The following SLC8A1 variants were observed in gnomAD, a reference collection of about 807,000 sequenced individuals.
The protein encoded by SLC8A1 is sodium/calcium exchanger 1.
SLC8A1 carries 18 observed loss-of-function variants against 68.3 expected under a neutral mutation model. The observed-to-expected ratio is 0.26, with a 90% CI of 0.18 to 0.39. The LOEUF is 0.39. Among genes scored for constraint, SLC8A1 ranks in the 10% least tolerant of loss-of-function variants. The pLI is 1.00. For synonymous variants in SLC8A1, 475 were observed against 415.5 expected (o/e 1.14, Z -1.74); for missense variants, 985 against 1,156.7 (o/e 0.85, Z 2.15).
chr2:40,360,150 T>C (rs562109831), intron 2 of SLC8A1, among the ~76,000 whole-genome samples: 135 of 152,256 alleles, frequency 8.9e-4, no homozygotes, highest in African/African-American at 3.1e-3. Flanking sequence ...TCAAAATTGA[T>C]TGAAGTTCCA....
chr2:40,394,119 AAAG>A (rs1199953901), intron 2 of SLC8A1, among the ~76,000 whole-genome samples: 2 of 152,088 alleles, frequency 1.3e-5, no homozygotes, highest in Non-Finnish European at 2.9e-5. Flanking sequence ...AGCCCCCCAC[AAAG>A]AAGAATGACC....
intron 7 of SLC8A1, among the ~76,000 whole-genome samples, chr2:40,130,917 A>G (rs2039192197): frequency 6.6e-6 from 1 of 152,230 alleles, no homozygotes; most frequent in Non-Finnish European, 1.5e-5. Context: ...ACCATAGGGA[A>G]AAATGAAGAT....
At chr2:40,485,372 G>A (rs1704896179) in intron 1 of SLC8A1, among the ~76,000 whole-genome samples, 1 of 152,040 alleles carries the variant, frequency 6.6e-6, no homozygotes, top group African/African-American at 2.4e-5. Context: ...AAAGAATAGT[G>A]GGCATTTAAA....
At chr2:40,198,108 G>T (rs539838519) in intron 2 of SLC8A1, among the ~76,000 whole-genome samples, 1 of 152,030 alleles carries the variant, frequency 6.6e-6, no homozygotes, top group Non-Finnish European at 1.5e-5. Context: ...GCCAACTCTG[G>T]TCAGTTGAAA....
chr2:40,117,027 G>T (rs2035591447), intron 7 of SLC8A1: 1 of 152,170 alleles, frequency 6.6e-6, no homozygotes, highest in African/African-American at 2.4e-5. Context: ...TCACTTCAGA[G>T]TGCTGTTGGT....
intron 2 of SLC8A1, among the ~76,000 whole-genome samples, chr2:40,392,572 A>G (rs1462495018): frequency 6.6e-6 from 1 of 152,110 alleles, no homozygotes; most frequent in Non-Finnish European, 1.5e-5. Context: ...TGTCATGGGT[A>G]AGTGCTAATT....
chr2:40,317,826 A>C (rs1447810842), intron 2 of SLC8A1, among the ~76,000 whole-genome samples: 1 of 152,038 alleles, frequency 6.6e-6, no homozygotes, highest in Non-Finnish European at 1.5e-5. Context: ...TTATGTCCCC[A>C]ATTTTTGAAA....
At chr2:40,450,847 T>C (rs1031464938) in intron 1 of SLC8A1, among the ~76,000 whole-genome samples, 3 of 152,222 alleles carry the variant, frequency 2.0e-5, no homozygotes, top group Non-Finnish European at 4.4e-5. Context: ...TGCTCTCTTC[T>C]AAAAATGCTT....
At chr2:40,448,218 T>G (rs1482615331) in intron 1 of SLC8A1, among the ~76,000 whole-genome samples, 1 of 152,132 alleles carries the variant, frequency 6.6e-6, no homozygotes, top group Non-Finnish European at 1.5e-5. Context: ...TAAAACGTAT[T>G]TTGTAATGTA....
At chr2:40,365,500 C>T (rs1199713573) in intron 2 of SLC8A1, among the ~76,000 whole-genome samples, 1 of 152,136 alleles carries the variant, frequency 6.6e-6, no homozygotes, top group East Asian at 1.9e-4. Flanking sequence ...ACCTTCTGTA[C>T]TCTTAGAAGT....
intron 2 of SLC8A1, among the ~76,000 whole-genome samples, chr2:40,261,734 T>C (rs2149096192): frequency 3.1e-4 from 2 of 6,414 alleles, no homozygotes; most frequent in East Asian, 8.9e-3. Context: ...GAGTGGGTAC[T>C]GCGTAAGTGC....
At chr2:40,326,459 T>C (rs1032943903) in intron 2 of SLC8A1, among the ~76,000 whole-genome samples, 1 of 150,016 alleles carries the variant, frequency 6.7e-6, no homozygotes, top group Non-Finnish European at 1.5e-5. Flanking sequence ...AAAAAAAAAA[T>C]GGTGAAGAAA....
chr2:40,452,114 G>T (rs1210404486), upstream of SLC8A1: 1 of 146,582 alleles, frequency 6.8e-6, no homozygotes, highest in South Asian at 2.0e-4. Context: ...GCGCGCGGGC[G>T]GGAGGCAGGC....
chr2:40,496,038 C>T lies in SLC8A1; in HGVS notation c.-25+16311G>A, dbSNP rs542309296. 5.9e-5 allele frequency among the ~76,000 whole-genome samples: 9 copies of T among 152,068 alleles called. No individual in the cohort carries two copies. In the East Asian group the frequency reaches 1.7e-3, roughly 29 times the overall value. On this transcript the variant is annotated intron_variant, in intron 1 of 7. Transcript: ENST00000402441. ...ATTCAGGGGCTCCATTTGAAGTGTTCTTTGGAAAACTCTTTCAGCAGTTAT... is the reference window on the plus strand; with the variant it reads ...ATTCAGGGGCTCCATTTGAAGTGTTTTTTGGAAAACTCTTTCAGCAGTTAT...
rs142705623 is a variant in SLC8A1 at position 40,503,670 on chromosome 2, A to C, written c.-25+8679T>G. Among the ~76,000 whole-genome samples, 623 of 152,180 alleles carry C rather than the reference A, an allele frequency of 4.1e-3. 6 individuals are homozygous for C. The highest frequency in any genetic ancestry group is 0.014 in the African/African-American group (573 of 41,548). ...ATTTCCATATGCCAACAGTGAAACA[A>C]TATAAAAAAGAAATAAAAAGTAATC... On this transcript the variant is annotated intron_variant, in intron 1 of 7. Coordinates refer to the SLC8A1 transcript ENST00000402441.
intron 5 of SLC8A1, among the ~76,000 whole-genome samples, chr2:40,163,944 T>G (rs1432590778): frequency 6.6e-6 from 1 of 152,228 alleles, no homozygotes. Context: ...AAATTGGTGG[T>G]CTGATTCTCT....
intron 2 of SLC8A1, among the ~76,000 whole-genome samples, chr2:40,275,126 C>A (rs2066532802): frequency 6.6e-6 from 1 of 152,162 alleles, no homozygotes; most frequent in African/African-American, 2.4e-5. Flanking sequence ...ATTGTATGCT[C>A]ACATTTTATA....
intron 2 of SLC8A1, among the ~76,000 whole-genome samples, chr2:40,253,331 T>C (rs976755454): frequency 2.0e-5 from 3 of 151,390 alleles, no homozygotes; most frequent in Non-Finnish European, 2.9e-5. Flanking sequence ...CACATATATG[T>C]GTATATATAT....
At chr2:40,198,341 C>T (rs1054400133) in intron 2 of SLC8A1, among the ~76,000 whole-genome samples, 3 of 151,878 alleles carry the variant, frequency 2.0e-5, no homozygotes, top group African/African-American at 4.8e-5. Context: ...TGGAATGCTA[C>T]TAACCAGAGT....
Sources: gnomAD v4.1 joint callset for allele counts (sites outside exome capture counted in the v4.1 genomes callset) on GRCh38, gnomAD v4.1.1 for gene constraint, MANE v1.5 for transcripts, NCBI Gene and HGNC (gene_info 2026-07-23, HGNC 2026-07-21) for gene names.